Variants in PTPRQ observed in about 807,000 individuals in gnomAD.
PTPRQ encodes protein tyrosine phosphatase receptor type Q.
Under a neutral mutation model 246.0 loss-of-function variants are expected in PTPRQ, and 199 were observed. The observed-to-expected ratio is 0.81, with a 90% CI of 0.72 to 0.91. The LOEUF (loss-of-function observed/expected upper bound fraction) is 0.91, where lower values mean the gene tolerates loss of function less well. Among genes scored for constraint, PTPRQ ranks in the 40% least tolerant of loss-of-function variants. The pLI, the probability that PTPRQ is intolerant of heterozygous loss-of-function variation, is 0.00. For synonymous variants in PTPRQ, 869 were observed against 853.2 expected, an observed-to-expected ratio of 1.02 and a Z score of -0.32; for missense variants, 2,624 against 2,528.4, an observed-to-expected ratio of 1.04 and a Z score of -0.81.
chr12:80,463,017 G>A (rs12300440), intron 6 of PTPRQ, among the ~76,000 whole-genome samples: 3 of 151,988 alleles, frequency 2.0e-5, no homozygotes, highest in Non-Finnish European at 2.9e-5. Flanking sequence ...GCTGGACAGA[G>A]AATGACTTTC....
At chr12:80,514,373 T>TACACACAC (rs372647668) in intron 17 of PTPRQ, among the ~76,000 whole-genome samples, 36 of 112,180 alleles carry the variant, frequency 3.2e-4, no homozygotes, top group African/African-American at 1.0e-3. Context: ...GGCTTTATTT[T>TACACACAC]ACACACACAC....
At chr12:80,606,007 AT>A in intron 27 of PTPRQ, among the ~76,000 whole-genome samples, 1 of 151,204 alleles carries the variant, frequency 6.6e-6, no homozygotes, top group East Asian at 1.9e-4. Context: ...CGAATGAAAA[AT>A]AATCTAAACC....
intron 44 of PTPRQ, 73 bp downstream of exon 44, chr12:80,678,798 A>C: frequency 1.4e-6 from 2 of 1,461,124 alleles, no homozygotes; most frequent in Non-Finnish European, 9.0e-7. Flanking sequence ...TTTCAGAATA[A>C]CCATATGTTA....
intron 3 of PTPRQ, among the ~76,000 whole-genome samples, chr12:80,449,058 A>T (rs1041877629): frequency 2.0e-5 from 3 of 151,612 alleles, no homozygotes; most frequent in Non-Finnish European, 4.4e-5. Context: ...CTTTTTAATG[A>T]TTGCCATTCT....
Position 80,493,325 on chromosome 12 carries a change from G to A in PTPRQ, c.1410G>A (p.Met470Ile), listed in dbSNP as rs369284820. ...AAATTGTGAACATAGTAGAGCCAAT[G>A]GTAGGATTATATGAGGGTTCAGCAG... The part of the protein sequence containing the change: ...APEIVNIVEP[M>I]VGLYEGSAEM... Residue 470 changes from methionine to isoleucine, a missense_variant, in exon 10 of 45, where the codon ATG becomes ATA. Met to Ile is a conservative substitution (Grantham distance 10). Coordinates refer to ENST00000644991, the MANE Select transcript of PTPRQ (RefSeq NM_001145026.2). 1.5e-5 allele frequency: 24 copies of A among 1,548,590 alleles called. No homozygotes were observed. The highest frequency in any genetic ancestry group is 1.7e-4 in the Middle Eastern group (1 of 5,988).
At chr12:80,583,928 C>T (rs1897529160) in intron 25 of PTPRQ, 1 of 152,174 alleles carries the variant, frequency 6.6e-6, no homozygotes, top group Non-Finnish European at 1.5e-5. Flanking sequence ...CTCTCAGCTC[C>T]CAAAGATGTT....
intron 8 of PTPRQ, among the ~76,000 whole-genome samples, chr12:80,482,429 A>T (rs538473146): frequency 1.3e-5 from 2 of 152,114 alleles, no homozygotes; most frequent in Non-Finnish European, 1.5e-5. Flanking sequence ...ACCCTAGAAG[A>T]AAACCTAGGC....
chr12:80,568,732 T>A (rs1338058169), intron 25 of PTPRQ, among the ~76,000 whole-genome samples: 4 of 152,170 alleles, frequency 2.6e-5, no homozygotes, highest in Admixed American at 2.6e-4. Flanking sequence ...GGAGGCAACA[T>A]AACTACACAA....
At chr12:80,471,087 T>C (rs1893609327) in intron 7 of PTPRQ, among the ~76,000 whole-genome samples, 1 of 152,190 alleles carries the variant, frequency 6.6e-6, no homozygotes, top group South Asian at 2.1e-4. Context: ...CTCAGGTTAG[T>C]AGATTACGAC....
chr12:80,529,231 T>C (rs186726834), intron 17 of PTPRQ, among the ~76,000 whole-genome samples: 1 of 152,192 alleles, frequency 6.6e-6, no homozygotes, highest in East Asian at 1.9e-4. Flanking sequence ...AGGAAAAAAA[T>C]AATCTAATAA....
chr12:80,642,256 T>C (rs977232718), intron 35 of PTPRQ, among the ~76,000 whole-genome samples: 3 of 152,176 alleles, frequency 2.0e-5, no homozygotes, highest in African/African-American at 7.2e-5. Context: ...TAACAGGCAG[T>C]AAGGCCTTAT....
chr12:80,578,958 T>C (rs78812333), intron 25 of PTPRQ, among the ~76,000 whole-genome samples: 150 of 152,282 alleles, frequency 9.9e-4, no homozygotes, highest in Non-Finnish European at 1.6e-3. Context: ...GTCTACAGTG[T>C]GTATTTTGTC....
At position 80,670,389 on chromosome 12, in the gene PTPRQ, C is replaced by A; in HGVS notation, c.6499C>A (p.Pro2167Thr). The change falls in exon 42 of 45, where the codon CCA becomes ACA. Residue 2167 changes from proline to threonine, a missense_variant. Coordinates refer to ENST00000644991, the MANE Select transcript of PTPRQ (RefSeq NM_001145026.2). ...TVRQCNFTAWPEHGVPENSAP... is the reference protein window; with the variant it reads ...TVRQCNFTAWTEHGVPENSAP... ...TCGACAGTGTAACTTTACTGCCTGG[C>A]CAGAGCATGGGGTTCCTGAGAACAG... The A allele has an allele frequency of 6.4e-7, 1 of 1,551,032 alleles. No individual in the cohort carries two copies. Among genetic ancestry groups the A allele is most frequent in the Non-Finnish European group, 8.7e-7 (1 of 1,146,578 alleles).
rs571275898 is a variant in PTPRQ at position 80,646,753 on chromosome 12, G to GA, written c.5916-2134dup. The stretch of plus-strand genomic sequence containing the variant: ...TAAATTTACGATGATGTATTTCTGC[G>GA]AAAAAAAAAATCTTTAGGGAGAGAT... On this transcript the variant is annotated intron_variant, in intron 35 of 44. Coordinates refer to ENST00000644991, the MANE Select transcript of PTPRQ (RefSeq NM_001145026.2). 5.7e-3 allele frequency among the ~76,000 whole-genome samples: 834 copies of GA among 146,996 alleles called. 14 individuals carry two copies. In the South Asian group the frequency reaches 0.066, roughly 12 times the overall value.
intron 3 of PTPRQ, among the ~76,000 whole-genome samples, chr12:80,447,040 C>G (rs923372204): frequency 6.6e-6 from 1 of 151,948 alleles, no homozygotes; most frequent in African/African-American, 2.4e-5. Context: ...TATTAGTGTT[C>G]CCTTTTCTCT....
chr12:80,555,935 G>A (rs1355347476), intron 25 of PTPRQ, among the ~76,000 whole-genome samples: 2 of 152,038 alleles, frequency 1.3e-5, no homozygotes, highest in Non-Finnish European at 2.9e-5. Context: ...TCTTTGCCCT[G>A]CACATCCAAA....
intron 25 of PTPRQ, among the ~76,000 whole-genome samples, chr12:80,566,241 G>T (rs751508381): frequency 2.2e-4 from 34 of 152,148 alleles, no homozygotes; most frequent in Non-Finnish European, 3.8e-4. Context: ...ACTTTGGGAG[G>T]CCGAGGCAGG....
intron 6 of PTPRQ, chr12:80,462,178 G>A (rs1384044005): frequency 3.6e-5 from 6 of 165,824 alleles, no homozygotes; most frequent in Non-Finnish European, 6.6e-5. Flanking sequence ...GCGCTTTTCC[G>A]ACAGGCTTAA....
intron 25 of PTPRQ, among the ~76,000 whole-genome samples, chr12:80,564,150 G>C (rs970785394): frequency 6.6e-6 from 1 of 152,072 alleles, no homozygotes; most frequent in Non-Finnish European, 1.5e-5. Flanking sequence ...GTGCAGGTTA[G>C]TTACATATGT....
Sources: allele counts gnomAD v4.1 joint callset (sites outside exome capture counted in the v4.1 genomes callset), GRCh38; gene constraint gnomAD v4.1.1; transcripts MANE v1.5; gene names NCBI Gene and HGNC (gene_info 2026-07-23, HGNC 2026-07-21).